Variants in OTOGL observed in about 807,000 individuals in gnomAD.
OTOGL encodes the protein otogelin-like protein.
Under a neutral mutation model 318.5 loss-of-function variants are expected in OTOGL, and 285 were observed. The observed-to-expected ratio is 0.89, with a 90% CI of 0.81 to 0.99. OTOGL has a LOEUF of 0.99. OTOGL is among the 50% of genes least tolerant of loss of function. The pLI is 0.00. For missense variants in OTOGL, 2,899 were observed against 2,845.6 expected, an observed-to-expected ratio of 1.02 and a Z score of -0.43; for synonymous variants, 987 against 936.5, an observed-to-expected ratio of 1.05 and a Z score of -0.99.
intron 1 of OTOGL, among the ~76,000 whole-genome samples, chr12:80,115,770 G>A (rs1474671989): frequency 6.6e-6 from 1 of 152,170 alleles, no homozygotes; most frequent in Non-Finnish European, 1.5e-5. Flanking sequence ...AATCTAGAGA[G>A]GCAATCTATC....
rs746266544 is a variant in OTOGL, at chr12:80,336,950, G to A, written c.4806G>A (p.Lys1602=). The A allele has an allele frequency of 1.3e-6, 2 of 1,595,976 alleles. No individual in the cohort carries two copies. Among genetic ancestry groups the A allele is most frequent in the South Asian group, 2.3e-5 (2 of 87,684 alleles). ...SGRISGLCFK[K]LNVTTPIHKI... ...GAATCTCTGGACTTTGTTTTAAGAA[G>A]TTAAATGTGACAACACCCATACATA... Residue 1602 remains lysine (K), a synonymous_variant, in exon 42 of 59, where the codon AAG becomes AAA. Transcript: ENST00000547103.
At chr12:80,168,226 G>A (rs535095228) in intron 1 of OTOGL, among the ~76,000 whole-genome samples, 2 of 152,170 alleles carry the variant, frequency 1.3e-5, no homozygotes, top group African/African-American at 4.8e-5. Context: ...CCAAAGTGCT[G>A]GGATTTCAGG....
intron 26 of OTOGL, among the ~76,000 whole-genome samples, chr12:80,289,840 G>A (rs1884912035): frequency 6.6e-6 from 1 of 152,162 alleles, no homozygotes; most frequent in African/African-American, 2.4e-5. Flanking sequence ...GCTCCATGGG[G>A]GTGGGACCCG....
At chr12:80,137,928 G>A (rs987551515) in intron 1 of OTOGL, among the ~76,000 whole-genome samples, 2 of 152,128 alleles carry the variant, frequency 1.3e-5, no homozygotes, top group Non-Finnish European at 2.9e-5. Context: ...TATCACTTTG[G>A]AGTCTCCTAG....
chr12:80,185,685 A>G (rs1875241946), intron 1 of OTOGL, among the ~76,000 whole-genome samples: 1 of 152,246 alleles, frequency 6.6e-6, no homozygotes, highest in Non-Finnish European at 1.5e-5. Context: ...ATCATAATAT[A>G]AAATGAAATG....
At chr12:80,299,610 G>GA (rs58781796) in intron 27 of OTOGL, among the ~76,000 whole-genome samples, 19,455 of 125,940 alleles carry the variant, frequency 0.15, 1,598 homozygotes, top group African/African-American at 0.25. Flanking sequence ...TCCAGGGGAA[G>GA]AAAAAAAAAA....
intron 1 of OTOGL, among the ~76,000 whole-genome samples, chr12:80,178,712 A>G (rs1175272780): frequency 1.3e-5 from 2 of 152,112 alleles, no homozygotes; most frequent in African/African-American, 4.8e-5. Flanking sequence ...TGTTTCATAT[A>G]TTTTGTACAG....
intron 27 of OTOGL, 54 bp from the exon 28 acceptor site, chr12:80,302,580 T>C (rs1054409646): frequency 2.4e-5 from 27 of 1,112,040 alleles, no homozygotes; most frequent in African/African-American, 6.5e-5. Flanking sequence ...ATTTGATATA[T>C]TTTGGTTAGA....
At chr12:80,243,795 T>C (rs1219510812) in intron 11 of OTOGL, among the ~76,000 whole-genome samples, 3 of 148,364 alleles carry the variant, frequency 2.0e-5, no homozygotes, top group Non-Finnish European at 3.0e-5. Flanking sequence ...ACATTTTATA[T>C]ATAAAATATA....
chr12:80,216,923 T>A (rs1877781634), intron 4 of OTOGL, among the ~76,000 whole-genome samples: 3 of 151,800 alleles, frequency 2.0e-5, no homozygotes. Context: ...GTTGTGCACA[T>A]GTACCCTAAA....
chr12:80,205,211 T>C (rs760155532), intron 1 of OTOGL, among the ~76,000 whole-genome samples: 5 of 152,198 alleles, frequency 3.3e-5, no homozygotes, highest in Admixed American at 6.5e-5. Flanking sequence ...ATGGTACAAG[T>C]GCAAAGTGTT....
chr12:80,370,571 T>G lies in OTOGL; in HGVS notation c.6617T>G (p.Val2206Gly). 6.6e-7 allele frequency: 1 copy of G among 1,519,370 alleles called. No homozygotes were observed. The highest frequency in any genetic ancestry group is 8.8e-7 in the Non-Finnish European group (1 of 1,136,474). The allele number at this position is 1,519,370 out of a possible 1,614,324, so 94.1% of individuals were successfully genotyped here. ...AGTAACTTTCTTTTTGATTTTTAGG[T>G]AGGGAGTACCTGGCACTACAATTGC... ...MENGTSVVYA[V>G]GSTWHYNCTT... Residue 2206 changes from valine (V) to glycine (G), a missense_variant and splice_region_variant, in exon 56 of 59, where the codon GTA (valine) becomes GGA (glycine). Val to Gly is a moderately radical substitution (Grantham distance 109). This residue lies in a region of OTOGL where 289 missense variants were observed against 304.6 expected (regional missense o/e 0.95). Transcript: ENST00000547103.
intron 7 of OTOGL, among the ~76,000 whole-genome samples, chr12:80,227,047 T>C (rs73358908): frequency 0.019 from 2,957 of 152,270 alleles, 116 homozygotes; most frequent in African/African-American, 0.067. Context: ...CCCATTCTTT[T>C]GTGCTGGGCA....
chr12:80,183,641 T>C (rs1160733810), intron 1 of OTOGL, among the ~76,000 whole-genome samples: 1 of 152,030 alleles, frequency 6.6e-6, no homozygotes, highest in Non-Finnish European at 1.5e-5. Flanking sequence ...AACACATTGG[T>C]AGTTGTAAAA....
At chr12:80,256,928 C>T (rs1476523971) in intron 17 of OTOGL, among the ~76,000 whole-genome samples, 3 of 151,836 alleles carry the variant, frequency 2.0e-5, no homozygotes, top group Non-Finnish European at 2.9e-5. Context: ...AAGGAGGTGT[C>T]GAATTTTGCA....
rs577776125 is a variant in OTOGL, at chr12:80,197,493, G to A, written c.-19-11920G>A. On this transcript the variant is annotated intron_variant, in intron 1 of 58. Coordinates refer to ENST00000547103, the MANE Select transcript of OTOGL (RefSeq NM_001378609.3). Reference sequence around the variant, plus strand: ...CAAAGTGCTGAGATTACAGGTATGAGCCACCGTGCCTGGCCAGAATAAATC... The same window carrying A: ...CAAAGTGCTGAGATTACAGGTATGAACCACCGTGCCTGGCCAGAATAAATC... 5.9e-5 allele frequency among the ~76,000 whole-genome samples: 9 copies of A among 152,290 alleles called. No homozygotes were observed. In the South Asian group the frequency reaches 1.7e-3, roughly 28 times the overall value.
intron 43 of OTOGL, 134 bp downstream of exon 43, chr12:80,339,398 C>A: frequency 1.4e-6 from 1 of 707,380 alleles, no homozygotes; most frequent in Non-Finnish European, 2.2e-6. Flanking sequence ...CTTTCAGTTC[C>A]CATGTAAATA....
intron 29 of OTOGL, among the ~76,000 whole-genome samples, chr12:80,306,411 T>C (rs1886106827): frequency 2.0e-5 from 3 of 152,370 alleles, no homozygotes; most frequent in Non-Finnish European, 4.4e-5. Context: ...TATTCTTTCC[T>C]CTACTTTCTT....
At chr12:80,316,630 G>C (rs1372288049) in intron 32 of OTOGL, among the ~76,000 whole-genome samples, 1 of 152,126 alleles carries the variant, frequency 6.6e-6, no homozygotes, top group African/African-American at 2.4e-5. Flanking sequence ...TGGCTCCATG[G>C]AGTGGCAGGC....
Sources: allele counts gnomAD v4.1 joint callset (sites outside exome capture counted in the v4.1 genomes callset), GRCh38; gene constraint gnomAD v4.1.1; regional missense constraint gnomAD v4.1.1; transcripts MANE v1.5; gene names NCBI Gene and HGNC (gene_info 2026-07-23, HGNC 2026-07-21).